The following DMAC2L variants were observed in gnomAD, a reference collection of about 807,000 sequenced individuals.
DMAC2L encodes the protein ATP synthase subunit s, mitochondrial.
DMAC2L carries 21 observed loss-of-function variants against 22.5 expected under a neutral mutation model. That is an observed-to-expected ratio of 0.93 (90% CI 0.66 to 1.34). DMAC2L has a LOEUF of 1.34. DMAC2L is among the 40% of genes most tolerant of loss of function. DMAC2L has a pLI of 0.00. For synonymous variants in DMAC2L, 86 were observed against 89.5 expected (o/e 0.96, Z 0.22); for missense variants, 239 against 246.5 (o/e 0.97, Z 0.20).
intron 2 of DMAC2L, among the ~76,000 whole-genome samples, chr14:50,318,161 C>T (rs2031969042): frequency 6.6e-6 from 1 of 152,166 alleles, no homozygotes; most frequent in Admixed American, 6.6e-5. Flanking sequence ...TTGCGTTTAA[C>T]TGGGTTCTTT....
At chr14:50,321,071 C>A (rs1005383059) in intron 2 of DMAC2L, among the ~76,000 whole-genome samples, 3 of 152,172 alleles carry the variant, frequency 2.0e-5, no homozygotes, top group African/African-American at 7.2e-5. Flanking sequence ...TTCCTGGATG[C>A]AAGCATCTTA....
At chr14:50,315,990 T>C (rs1044872646) in intron 2 of DMAC2L, among the ~76,000 whole-genome samples, 1 of 152,238 alleles carries the variant, frequency 6.6e-6, no homozygotes, top group African/African-American at 2.4e-5. Flanking sequence ...CCACACTGTT[T>C]TCCATAGTGG....
rs981679991 is a variant in DMAC2L at position 50,326,395 on chromosome 14, G to T, written c.*672G>T. 11 of 945,798 alleles carry T rather than the reference G, an allele frequency of 1.2e-5. No individual in the cohort carries two copies. The African/African-American group carries it at 2.0e-4, about 17-fold the overall frequency. 58.6% of individuals were successfully genotyped at this position (945,798 alleles called of 1,614,324 possible). A position where few individuals can be genotyped will look rare whatever the true frequency, so the allele number is the denominator to read the frequency against. ...ACAGTAATTTACATTTAACTTTAAAGTTAGTGAAGCATACTACCATAAATG... is the reference window on the plus strand; with the variant it reads ...ACAGTAATTTACATTTAACTTTAAATTTAGTGAAGCATACTACCATAAATG... On this transcript the variant is annotated 3_prime_UTR_variant, in exon 6 of 6. Coordinates refer to ENST00000557421, the MANE Select transcript of DMAC2L (RefSeq NM_001382507.1).
intron 2 of DMAC2L, among the ~76,000 whole-genome samples, chr14:50,321,057 T>C (rs1027995988): frequency 6.6e-5 from 10 of 152,200 alleles, no homozygotes; most frequent in Non-Finnish European, 1.3e-4. Context: ...ATGTCTCCTC[T>C]TCTTTCCTGG....
At chr14:50,315,681 A>G (rs2031728361) in intron 2 of DMAC2L, among the ~76,000 whole-genome samples, 1 of 151,554 alleles carries the variant, frequency 6.6e-6, no homozygotes, top group Non-Finnish European at 1.5e-5. Flanking sequence ...AAAAAAAAAA[A>G]AAAAAAAAGA....
chr14:50,321,426 G>A, intron 2 of DMAC2L, 57 bp from the exon 3 acceptor site: 1 of 1,600,102 alleles, frequency 6.2e-7, no homozygotes, highest in Non-Finnish European at 8.5e-7. Context: ...GAAGTAAGTT[G>A]CTATATGTAT....
intron 2 of DMAC2L, chr14:50,318,929 T>C (rs2139292206): frequency 1.5e-6 from 1 of 683,940 alleles, no homozygotes; most frequent in African/African-American, 1.9e-5. Context: ...TGTGTGTCTC[T>C]TTCTCCTTTG....
chr14:50,311,530 T>C, upstream of DMAC2L: 2 of 452,778 alleles, frequency 4.4e-6, no homozygotes, highest in Non-Finnish European at 8.9e-6. Flanking sequence ...GCATAAGAGC[T>C]GCCTCCGACG....
chr14:50,316,135 T>G (rs968238046), intron 2 of DMAC2L, among the ~76,000 whole-genome samples: 2 of 152,214 alleles, frequency 1.3e-5, no homozygotes, highest in African/African-American at 4.8e-5. Flanking sequence ...CATTGTGGTT[T>G]TGATTTGCAT....
chr14:50,311,641 T>C (rs1386301940), upstream of DMAC2L, among the ~76,000 whole-genome samples: 1 of 152,198 alleles, frequency 6.6e-6, no homozygotes, highest in African/African-American at 2.4e-5. Flanking sequence ...CATATTTGAT[T>C]GCTTATACTG....
At chr14:50,322,385 T>TACAA (rs2032351878) in intron 3 of DMAC2L, 126 bp from the exon 4 acceptor site, 2 of 1,101,082 alleles carry the variant, frequency 1.8e-6, no homozygotes, top group Non-Finnish European at 2.5e-6. Context: ...ATCTCACTAA[T>TACAA]TTATCTTCCT....
At chr14:50,314,520 G>C (rs947449859) in intron 1 of DMAC2L, 71 bp from the exon 2 acceptor site, 2 of 455,610 alleles carry the variant, frequency 4.4e-6, no homozygotes, top group African/African-American at 4.0e-5. Context: ...CTAGTTTTTA[G>C]CTATTGTGAA....
rs191158453 is a variant in DMAC2L, at chr14:50,312,483, C to G, written c.-42+94C>G. On this transcript the variant is annotated intron_variant, in intron 1 of 5. Transcript: ENST00000557421. ...CGCCAACGCTGGGCTGACTGAAAAC[C>G]TGGCCCTTTGGGTCGCGCGTCTTCG... 7.5e-3 allele frequency: 3,168 copies of G among 423,446 alleles called. 34 individuals are homozygous for G. Among genetic ancestry groups the G allele is most frequent in the Non-Finnish European group, 0.011 (2,477 of 232,086 alleles). 26.2% of individuals were successfully genotyped at this position (423,446 alleles called of 1,614,324 possible). A position where few individuals can be genotyped will look rare whatever the true frequency, so the allele number is the denominator to read the frequency against.
chr14:50,321,210 A>T, intron 2 of DMAC2L: 1 of 269,532 alleles, frequency 3.7e-6, no homozygotes. Flanking sequence ...AGATGGCAGT[A>T]CGACAGGCAG....
At chr14:50,312,135 G>T, upstream of DMAC2L, 1 of 1,610,178 alleles carries the variant, frequency 6.2e-7, no homozygotes, top group South Asian at 1.1e-5. Flanking sequence ...ACCAAATAAC[G>T]CAGCGCTGGC....
rs752570436 is a variant in DMAC2L at position 50,322,510 on chromosome 14, G to A, written c.108-1G>A. 1.6e-5 allele frequency: 26 copies of A among 1,595,704 alleles called. No individual in the cohort carries two copies. Among genetic ancestry groups the A allele is most frequent in the Non-Finnish European group, 2.0e-5 (23 of 1,166,100 alleles). ...AACTGCTTTTTTTCTCTTGCCAACA[G>A]GGTGGATTATGATCGCATCAGGGAT... is the stretch of plus-strand genomic sequence containing the variant. On this transcript the variant is annotated splice_acceptor_variant, in intron 3 of 5. Coordinates refer to ENST00000557421, the MANE Select transcript of DMAC2L (RefSeq NM_001382507.1). LOFTEE classifies it high-confidence loss of function.
intron 2 of DMAC2L, among the ~76,000 whole-genome samples, chr14:50,316,345 A>G (rs1284805552): frequency 6.6e-6 from 1 of 152,186 alleles, no homozygotes; most frequent in Non-Finnish European, 1.5e-5. Flanking sequence ...TTCTCCCACT[A>G]TGTGGGTTGT....
chr14:50,312,933 G>C (rs984596578), intron 1 of DMAC2L: 8 of 1,505,022 alleles, frequency 5.3e-6, no homozygotes, highest in Admixed American at 1.7e-5. Context: ...CCGGCACTGG[G>C]TACCGGAAGA....
At chr14:50,325,242 T>G (rs1302998170) in intron 5 of DMAC2L, among the ~76,000 whole-genome samples, 2 of 152,266 alleles carry the variant, frequency 1.3e-5, no homozygotes, top group Admixed American at 1.3e-4. Flanking sequence ...ATTGTTCATC[T>G]CTTACATTAC....
Sources: gnomAD v4.1 joint callset for allele counts (sites outside exome capture counted in the v4.1 genomes callset) on GRCh38, gnomAD v4.1.1 for gene constraint, MANE v1.5 for transcripts, NCBI Gene and HGNC (gene_info 2026-07-23, HGNC 2026-07-21) for gene names.